DNMT3A: variants seen among roughly 807,000 people sequenced by gnomAD.
The protein encoded by DNMT3A is DNA (cytosine-5)-methyltransferase 3A.
DNMT3A carries 267 observed loss-of-function variants against 117.6 expected under a neutral mutation model. That is an observed-to-expected ratio of 2.27 (90% CI 2.05 to 2.51). The LOEUF (loss-of-function observed/expected upper bound fraction) is 2.51. Ranked by LOEUF, DNMT3A falls within the 30% of genes most tolerant of loss-of-function variation. DNMT3A has a pLI of 0.00. For missense variants in DNMT3A, 1,029 were observed against 1,260.2 expected (o/e 0.82, Z 2.78); for synonymous variants, 432 against 474.8 (o/e 0.91, Z 1.17).
rs752418152 is a variant in DNMT3A, at chr2:25,296,675, G to A, written c.177+3464C>T. Among the ~76,000 whole-genome samples, 1 of 152,210 alleles carries A rather than the reference G, an allele frequency of 6.6e-6. No individual in the cohort carries two copies. Among genetic ancestry groups the A allele is most frequent in the Admixed American group, 6.5e-5 (1 of 15,288 alleles). On this transcript the variant is annotated intron_variant, in intron 3 of 22. Coordinates refer to ENST00000321117, the MANE Select transcript of DNMT3A (RefSeq NM_022552.5). This position sits in a 1 kb window ranked among gnomAD's most constrained non-coding sequence, Gnocchi z 4.2. ...GTCGTGAAGGGAGCACACTGGCCTG[G>A]GCATGCAAGGGGCAGGTGGAGTCTG...
rs959218576 is a variant in DNMT3A, at chr2:25,313,930, G to A, written c.55C>T (p.Arg19Trp). 22 of 1,549,796 alleles carry A rather than the reference G, an allele frequency of 1.4e-5. No homozygotes were observed. The highest frequency in any genetic ancestry group is 4.9e-5 in the East Asian group (2 of 41,152). Reference sequence around the variant, plus strand: ...CTGCTCACCTTTCGGTCCTCCTCCCGCTCCGCAGCAGAGCTGCTGGTGTCC... The same window carrying A: ...CTGCTCACCTTTCGGTCCTCCTCCCACTCCGCAGCAGAGCTGCTGGTGTCC... ...PGDTSSSAAE[R>W]EEDRKDGEEQ... The change falls in exon 2 of 23, where the codon CGG becomes TGG. Residue 19 changes from arginine (R) to tryptophan (W), a missense_variant. Coordinates refer to ENST00000321117, the MANE Select transcript of DNMT3A (RefSeq NM_022552.5).
In DNMT3A at chr2:25,239,154, C is replaced by A. The variant is rs756566100; in HGVS notation, c.2384G>T (p.Trp795Leu). The A allele has an allele frequency of 6.2e-7, 1 of 1,614,080 alleles. No homozygotes were observed. The highest frequency in any genetic ancestry group is 8.5e-7 in the Non-Finnish European group (1 of 1,179,966). ...CCTGTTCATACCGGGAAGGTTACCCCAGAAGTAGCGGGCCCTGTGTGCAGC... is the reference window on the plus strand; with the variant it reads ...CCTGTTCATACCGGGAAGGTTACCCAAGAAGTAGCGGGCCCTGTGTGCAGC... The part of the protein sequence containing the change: ...VSAAHRARYF[W>L]GNLPGMNRPL... Residue 795 changes from tryptophan (W) to leucine (L), a missense_variant, in exon 20 of 23, where the codon TGG becomes TTG. Physicochemically the swap from Trp to Leu is moderately conservative, Grantham distance 61 (BLOSUM62 -2). Coordinates refer to ENST00000321117, the MANE Select transcript of DNMT3A (RefSeq NM_022552.5).
intron 1 of DNMT3A, among the ~76,000 whole-genome samples, chr2:25,316,178 T>C (rs984490665): frequency 3.3e-5 from 5 of 152,094 alleles, no homozygotes; most frequent in African/African-American, 1.2e-4. Flanking sequence ...GGGAGGGTTG[T>C]CTTGATGCTG....
Position 25,233,838 on chromosome 2 carries a change from T to C in DNMT3A, c.*441A>G, listed in dbSNP as rs1673029251. ...CCCAATATATAGATTTCTATAGAATTTCCTTTTTTCCTCTCTCCCACCTTT... is the reference window on the plus strand; with the variant it reads ...CCCAATATATAGATTTCTATAGAATCTCCTTTTTTCCTCTCTCCCACCTTT... On this transcript the variant is annotated 3_prime_UTR_variant, in exon 23 of 23. Transcript: ENST00000321117. The C allele has an allele frequency of 4.3e-6, 1 of 233,450 alleles. No homozygotes were observed. Among genetic ancestry groups the C allele is most frequent in the Non-Finnish European group, 8.5e-6 (1 of 118,278 alleles). The allele number at this position is 233,450 out of a possible 1,614,324, so 14.5% of individuals were successfully genotyped here.
intron 1 of DNMT3A, among the ~76,000 whole-genome samples, chr2:25,320,781 T>C (rs573836092): frequency 6.6e-6 from 1 of 152,334 alleles, no homozygotes; most frequent in East Asian, 1.9e-4. Flanking sequence ...TATGTATATA[T>C]GCATGTATGT....
Position 25,237,115 on chromosome 2 carries a change from G to A in DNMT3A, c.2409-110C>T. 1 of 1,077,202 alleles carries A rather than the reference G, an allele frequency of 9.3e-7. No homozygotes were observed. The highest frequency in any genetic ancestry group is 1.4e-6 in the Non-Finnish European group (1 of 736,492). The allele number at this position is 1,077,202 out of a possible 1,614,324, so 66.7% of individuals were successfully genotyped here. On this transcript the variant is annotated intron_variant, in intron 20 of 22. Coordinates refer to ENST00000321117, the MANE Select transcript of DNMT3A (RefSeq NM_022552.5). The surrounding 1 kb of genome is among the most constrained non-coding windows in gnomAD (Gnocchi z 5.4). Reference sequence around the variant, plus strand: ...CAGCAGCCACTAGTTCACAGGGTAAGAGCCCCTTCCCCAAATCACGCACAC... The same window carrying A: ...CAGCAGCCACTAGTTCACAGGGTAAAAGCCCCTTCCCCAAATCACGCACAC...
intron 4 of DNMT3A, 107 bp from the exon 5 acceptor site, chr2:25,275,650 G>T (rs1157470593): frequency 1.2e-5 from 15 of 1,244,050 alleles, no homozygotes. Flanking sequence ...GGGGATGGGG[G>T]TCCTCTGGCC....
In DNMT3A at chr2:25,233,462, T is replaced by C. The variant is rs1672988715; in HGVS notation, c.*817A>G. On this transcript the variant is annotated 3_prime_UTR_variant, in exon 23 of 23. Coordinates refer to ENST00000321117, the MANE Select transcript of DNMT3A (RefSeq NM_022552.5). ...AGTAGTTAACAGTACCTTTTATATA[T>C]ATATCTCATATCTATCATATATATA... is the stretch of plus-strand genomic sequence containing the variant. 1 of 233,490 alleles carries C rather than the reference T, an allele frequency of 4.3e-6. No individual in the cohort carries two copies. The highest frequency in any genetic ancestry group is 2.2e-5 in the African/African-American group (1 of 45,328). 14.5% of individuals were successfully genotyped at this position (233,490 alleles called of 1,614,324 possible). A position where few individuals can be genotyped will look rare whatever the true frequency, so the allele number is the denominator to read the frequency against.
intron 17 of DNMT3A, 129 bp from the exon 18 acceptor site, chr2:25,240,859 G>T: frequency 1.2e-6 from 1 of 823,698 alleles, no homozygotes; most frequent in Non-Finnish European, 1.9e-6. Context: ...CAGCTGCTCT[G>T]CAGGCTCACG....
chr2:25,234,299 C>A lies in DNMT3A; in HGVS notation c.2719G>T (p.Glu907Ter). 1.2e-6 allele frequency: 2 copies of A among 1,613,868 alleles called. No individual in the cohort carries two copies. Among genetic ancestry groups the A allele is most frequent in the Non-Finnish European group, 1.7e-6 (2 of 1,179,870 alleles). The stretch of plus-strand genomic sequence containing the variant: ...GTCCCTTACACACACGCAAAATACT[C>A]CTTCAGCGGAGCGAAGAGGTGGCGG... ...VIRHLFAPLK[E>*]YFACV The change falls in exon 23 of 23, where the codon GAG becomes TAG. Residue 907 changes from glutamate (E) to a stop codon, truncating the protein, a stop_gained. Coordinates refer to ENST00000321117, the MANE Select transcript of DNMT3A (RefSeq NM_022552.5). LOFTEE classifies it high-confidence loss of function. This position sits in a 1 kb window ranked among gnomAD's most constrained non-coding sequence, Gnocchi z 4.5.
chr2:25,323,965 C>T (rs2034695205), intron 1 of DNMT3A, among the ~76,000 whole-genome samples: 2 of 152,210 alleles, frequency 1.3e-5, no homozygotes, highest in Admixed American at 1.3e-4. Flanking sequence ...GTCCACCCCA[C>T]TCAGAAGCTC....
At chr2:25,328,583 C>T in intron 1 of DNMT3A, 2 of 459,950 alleles carry the variant, frequency 4.3e-6, no homozygotes, top group South Asian at 1.6e-5. Flanking sequence ...TGCTGCCCGT[C>T]CCCCCCGCCC....
chr2:25,257,445 T>C lies in DNMT3A; in HGVS notation c.640-9193A>G, dbSNP rs1162367986. The stretch of plus-strand genomic sequence containing the variant: ...GGCCTCTGCTTGGAGCTTGTTGTTA[T>C]GGCAACATCCCCCCTTCCTGTCATT... On this transcript the variant is annotated intron_variant, in intron 6 of 22. Coordinates refer to ENST00000321117, the MANE Select transcript of DNMT3A (RefSeq NM_022552.5). The surrounding 1 kb of genome is among the most constrained non-coding windows in gnomAD (Gnocchi z 4.8). Among the ~76,000 whole-genome samples, 1 of 152,160 alleles carries C rather than the reference T, an allele frequency of 6.6e-6. No individual in the cohort carries two copies.
In DNMT3A at chr2:25,235,839, A is replaced by C; in HGVS notation, c.2479-14T>G. On this transcript the variant is annotated splice_polypyrimidine_tract_variant and intron_variant, in intron 21 of 22. Coordinates refer to ENST00000321117, the MANE Select transcript of DNMT3A (RefSeq NM_022552.5). ...CACTTTGCTGAACTAGATGAAGAGG[A>C]GAAAAGAGGAATAAGCACGAATTCA... is the stretch of plus-strand genomic sequence containing the variant. The C allele has an allele frequency of 5.6e-6, 9 of 1,606,236 alleles. No homozygotes were observed. The highest frequency in any genetic ancestry group is 6.8e-6 in the Non-Finnish European group (8 of 1,172,916).
Position 25,282,195 on chromosome 2 carries a change from T to C in DNMT3A, c.448+246A>G. 8.1e-7 allele frequency: 1 copy of C among 1,240,428 alleles called. No homozygotes were observed. The highest frequency in any genetic ancestry group is 1.0e-6 in the Non-Finnish European group (1 of 978,818). 76.8% of individuals were successfully genotyped at this position (1,240,428 alleles called of 1,614,324 possible). A position where few individuals can be genotyped will look rare whatever the true frequency, so the allele number is the denominator to read the frequency against. ...GAGAAGCCAAAACTCCAGATTTTTATGTGAAATTTTTTGATTTTTAAATAC... is the reference window on the plus strand; with the variant it reads ...GAGAAGCCAAAACTCCAGATTTTTACGTGAAATTTTTTGATTTTTAAATAC... On this transcript the variant is annotated intron_variant, in intron 4 of 22. Transcript: ENST00000321117. This position sits in a 1 kb window ranked among gnomAD's most constrained non-coding sequence, Gnocchi z 5.2.
Position 25,247,972 on chromosome 2 carries a change from G to A in DNMT3A, c.855+65C>T, listed in dbSNP as rs1390301514. On this transcript the variant is annotated intron_variant, in intron 7 of 22. Transcript: ENST00000321117. The surrounding 1 kb of genome is among the most constrained non-coding windows in gnomAD (Gnocchi z 5.6). ...GGAGATGGAGAGAGGAGAGCAGGAC[G>A]GGAGGAGCTGGCAGTGGAAGGCCCC... 8.1e-6 allele frequency: 13 copies of A among 1,603,474 alleles called. No homozygotes were observed. Among genetic ancestry groups the A allele is most frequent in the Admixed American group, 5.1e-5 (3 of 59,372 alleles).
intron 13 of DNMT3A, 59 bp from the exon 14 acceptor site, chr2:25,244,711 G>T: frequency 1.4e-6 from 2 of 1,460,158 alleles, no homozygotes. Context: ...CGGCCAGGAC[G>T]AAGGGAGGCT....
chr2:25,295,702 A>G (rs972288053), intron 3 of DNMT3A, among the ~76,000 whole-genome samples: 1 of 152,252 alleles, frequency 6.6e-6, no homozygotes, highest in Non-Finnish European at 1.5e-5. Flanking sequence ...GTGAAGTCCA[A>G]GTCCTGATCA....
intron 3 of DNMT3A, among the ~76,000 whole-genome samples, chr2:25,292,889 C>A (rs1040555141): frequency 3.3e-5 from 5 of 152,048 alleles, no homozygotes; most frequent in South Asian, 2.1e-4. Flanking sequence ...GGAGCCCGGG[C>A]CCTAGAAAAG....
Sources: gnomAD v4.1 joint callset for allele counts (sites outside exome capture counted in the v4.1 genomes callset) on GRCh38, gnomAD v4.1.1 for gene constraint, Gnocchi (gnomAD v3.1) non-coding constraint, MANE v1.5 for transcripts, NCBI Gene and HGNC (gene_info 2026-07-23, HGNC 2026-07-21) for gene names.